Variants in COL13A1 observed in about 807,000 individuals in gnomAD.
COL13A1 encodes collagen type XIII alpha 1 chain, also known as collagen alpha-1(XIII) chain.
COL13A1 carries 89 observed loss-of-function variants against 130.9 expected under a neutral mutation model. The observed-to-expected ratio is 0.68, with a 90% CI of 0.57 to 0.81. COL13A1 has a LOEUF of 0.81. COL13A1 is among the 30% of genes least tolerant of loss of function. The pLI is 0.00. For synonymous variants in COL13A1, 402 were observed against 341.6 expected (o/e 1.18, Z -1.95); for missense variants, 879 against 934.6 (o/e 0.94, Z 0.78).
At chr10:69,926,572 A>G (rs1310196237) in intron 26 of COL13A1, among the ~76,000 whole-genome samples, 1 of 152,018 alleles carries the variant, frequency 6.6e-6, no homozygotes, top group Non-Finnish European at 1.5e-5. Flanking sequence ...TCCGTATGTG[A>G]CTCCATTTAC....
intron 2 of COL13A1, among the ~76,000 whole-genome samples, chr10:69,825,828 T>C (rs988407011): frequency 1.3e-5 from 2 of 152,216 alleles, no homozygotes; most frequent in Admixed American, 1.3e-4. Flanking sequence ...AGCATCCTCC[T>C]GGGATCCTCC....
At chr10:69,812,046 T>C (rs1259269565) in intron 1 of COL13A1, among the ~76,000 whole-genome samples, 3 of 152,168 alleles carry the variant, frequency 2.0e-5, no homozygotes, top group East Asian at 3.8e-4. Context: ...CCTGACTCTC[T>C]TATCCACACA....
At chr10:69,814,024 T>A (rs1361767287) in intron 1 of COL13A1, among the ~76,000 whole-genome samples, 1 of 152,212 alleles carries the variant, frequency 6.6e-6, no homozygotes, top group African/African-American at 2.4e-5. Context: ...TTGAGACATC[T>A]GACCCGGGAC....
Position 69,894,550 on chromosome 10 carries a change from A to C in COL13A1, c.604-2A>C, listed in dbSNP as rs1252375972. On this transcript the variant is annotated splice_acceptor_variant, in intron 10 of 40. Coordinates refer to ENST00000645393, the MANE Select transcript of COL13A1 (RefSeq NM_001368882.1). LOFTEE classifies it high-confidence loss of function. ...TGACCTGTGTGTGTTTGCTTCCCACAGGGTCTGACGGGTCCCCCAGGACAG... is the reference window on the plus strand; with the variant it reads ...TGACCTGTGTGTGTTTGCTTCCCACCGGGTCTGACGGGTCCCCCAGGACAG... 6.2e-7 allele frequency: 1 copy of C among 1,613,818 alleles called. No homozygotes were observed. The highest frequency in any genetic ancestry group is 8.5e-7 in the Non-Finnish European group (1 of 1,179,894).
intron 29 of COL13A1, 60 bp from the exon 30 acceptor site, chr10:69,930,340 T>C (rs920148555): frequency 4.1e-6 from 6 of 1,478,610 alleles, no homozygotes; most frequent in Non-Finnish European, 2.7e-6. Context: ...CTACTCTCTC[T>C]CCCTCTCTCC....
intron 4 of COL13A1, among the ~76,000 whole-genome samples, chr10:69,872,673 C>T (rs768657296): frequency 6.6e-6 from 1 of 152,236 alleles, no homozygotes; most frequent in Non-Finnish European, 1.5e-5. Context: ...TCTAGAGAGG[C>T]TGTGCCAAGT....
chr10:69,905,052 C>T, intron 16 of COL13A1, 93 bp downstream of exon 16: 1 of 1,394,170 alleles, frequency 7.2e-7, no homozygotes, highest in South Asian at 1.3e-5. Context: ...GAGGCAGGAG[C>T]AGAGAGGGAT....
At chr10:69,872,839 G>A (rs1180114676) in intron 4 of COL13A1, among the ~76,000 whole-genome samples, 3 of 152,204 alleles carry the variant, frequency 2.0e-5, no homozygotes, top group African/African-American at 7.2e-5. Context: ...TGAGAGTCAG[G>A]AAGGTAAAAT....
intron 1 of COL13A1, among the ~76,000 whole-genome samples, chr10:69,817,346 G>A (rs561752719): frequency 3.2e-4 from 49 of 151,696 alleles, no homozygotes; most frequent in African/African-American, 1.1e-3. Flanking sequence ...TGGACGGCAC[G>A]TGTAGTGGTG....
chr10:69,949,055 C>T (rs1192415197), intron 38 of COL13A1, among the ~76,000 whole-genome samples: 1 of 152,178 alleles, frequency 6.6e-6, no homozygotes, highest in Non-Finnish European at 1.5e-5. Flanking sequence ...CATAAAGAGC[C>T]AATTGACTTA....
Position 69,927,248 on chromosome 10 carries a change from G to A in COL13A1, c.1422+138G>A. ...GATTAGGGTTGACCCAACAGGGCTG[G>A]GGCAGATGATGATCTGAGCTGGAGG... On this transcript the variant is annotated intron_variant, in intron 27 of 40. Coordinates refer to ENST00000645393, the MANE Select transcript of COL13A1 (RefSeq NM_001368882.1). 10 of 1,379,702 alleles carry A rather than the reference G, an allele frequency of 7.2e-6. 1 individual carries two copies. In the South Asian group the frequency reaches 1.2e-4, roughly 16 times the overall value. 85.5% of individuals were successfully genotyped at this position (1,379,702 alleles called of 1,614,324 possible).
At chr10:69,875,020 A>C in intron 4 of COL13A1, 108 bp from the exon 5 acceptor site, 1 of 1,389,838 alleles carries the variant, frequency 7.2e-7, no homozygotes, top group Non-Finnish European at 1.0e-6. Context: ...CCCGCTGCAA[A>C]CTGGGTTAGC....
At chr10:69,897,556 G>C (rs555440010) in intron 13 of COL13A1, 17 of 1,612,876 alleles carry the variant, frequency 1.1e-5, no homozygotes, top group Non-Finnish European at 1.4e-5. Context: ...GAAGGTCTCC[G>C]GGCCCCTCTC....
rs1298822794 is a variant in COL13A1, at chr10:69,924,872, C to T, written c.1285-91C>T. On this transcript the variant is annotated intron_variant, in intron 24 of 40. Coordinates refer to ENST00000645393, the MANE Select transcript of COL13A1 (RefSeq NM_001368882.1). ...CTATGGACTAAGAGCTAAGATGAGC[C>T]TCCTGGCCCTTATCACATGGCCCAT... 9.2e-6 allele frequency: 12 copies of T among 1,310,920 alleles called. No individual in the cohort carries two copies. In the Admixed American group the frequency reaches 1.5e-4, roughly 16 times the overall value. The allele number at this position is 1,310,920 out of a possible 1,614,324, so 81.2% of individuals were successfully genotyped here.
intron 39 of COL13A1, chr10:69,956,633 G>A (rs995348816): frequency 4.6e-6 from 1 of 219,728 alleles, no homozygotes; most frequent in Non-Finnish European, 9.5e-6. Context: ...GTTTTATGGA[G>A]GAGGAAACTG....
intron 5 of COL13A1, chr10:69,877,735 A>C: frequency 2.4e-6 from 1 of 420,780 alleles, no homozygotes; most frequent in Non-Finnish European, 4.3e-6. Flanking sequence ...ACACACACAC[A>C]CACACACACA....
At chr10:69,819,752 C>A (rs550851231) in intron 1 of COL13A1, among the ~76,000 whole-genome samples, 1 of 152,192 alleles carries the variant, frequency 6.6e-6, no homozygotes, top group Non-Finnish European at 1.5e-5. Context: ...AGCTGTGGTG[C>A]TTTATGGCTG....
At chr10:69,900,490 A>G (rs2135054966) in intron 14 of COL13A1, among the ~76,000 whole-genome samples, 1 of 152,340 alleles carries the variant, frequency 6.6e-6, no homozygotes, top group South Asian at 2.1e-4. Flanking sequence ...TCCAAAGTAG[A>G]GAAAGAAGAC....
At chr10:69,863,595 C>T (rs925132844) in intron 2 of COL13A1, among the ~76,000 whole-genome samples, 3 of 152,128 alleles carry the variant, frequency 2.0e-5, no homozygotes, top group Non-Finnish European at 2.9e-5. Flanking sequence ...CTGGATCCAG[C>T]GACTGGGTGG....
Sources: allele counts gnomAD v4.1 joint callset (sites outside exome capture counted in the v4.1 genomes callset), GRCh38; gene constraint gnomAD v4.1.1; transcripts MANE v1.5; gene names NCBI Gene and HGNC (gene_info 2026-07-23, HGNC 2026-07-21).